Variants in DST observed in about 807,000 individuals in gnomAD.
DST encodes the protein bullous pemphigoid antigen.
DST carries 253 observed loss-of-function variants against 875.2 expected under a neutral mutation model. That is an observed-to-expected ratio of 0.29 (90% confidence interval 0.26 to 0.32). DST has a LOEUF of 0.32. Among genes scored for constraint, DST ranks in the 10% least tolerant of loss-of-function variants. The probability of loss-of-function intolerance (pLI) is 1.00; values close to 1 mark genes in which losing one functional copy is unlikely to be tolerated. For missense variants in DST, 8,287 were observed against 9,111.6 expected (o/e 0.91, Z 3.68); for synonymous variants, 3,124 against 3,197.1 (o/e 0.98, Z 0.77).
chr6:56,664,983 T>C (rs1051600761), intron 10 of DST, among the ~76,000 whole-genome samples: 25 of 152,318 alleles, frequency 1.6e-4, no homozygotes, highest in African/African-American at 5.8e-4. Flanking sequence ...ATAGAAGCTA[T>C]AGAACTATCC....
At chr6:56,724,969 TACACACAC>T (rs113129301) in intron 5 of DST, among the ~76,000 whole-genome samples, 1 of 151,330 alleles carries the variant, frequency 6.6e-6, no homozygotes, top group African/African-American at 2.4e-5. Flanking sequence ...CAGGCTGTTT[TACACACAC>T]ACACACACTG....
intron 5 of DST, among the ~76,000 whole-genome samples, chr6:56,719,878 C>T (rs974099560): frequency 6.6e-6 from 1 of 152,106 alleles, no homozygotes; most frequent in Admixed American, 6.5e-5. Flanking sequence ...CCAAAGATCA[C>T]GTACTTCACA....
At position 56,905,799 on chromosome 6, in the gene DST, C is replaced by T. The variant is rs142373761; in HGVS notation, c.217-5178G>A. 2.5e-3 allele frequency among the ~76,000 whole-genome samples: 386 copies of T among 152,210 alleles called. 3 individuals are homozygous for T. The East Asian group carries it at 0.039, about 15-fold the overall frequency. On this transcript the variant is annotated intron_variant, in intron 2 of 103. Transcript: ENST00000680361. ...AAGTAGATGGGATTACAGGCACAGGCCACCGCACCCAGCTAATTTTTATAT... is the reference window on the plus strand; with the variant it reads ...AAGTAGATGGGATTACAGGCACAGGTCACCGCACCCAGCTAATTTTTATAT...
chr6:56,704,179 G>GA, intron 6 of DST, 101 bp downstream of exon 6: 2 of 551,982 alleles, frequency 3.6e-6, no homozygotes, highest in Non-Finnish European at 6.1e-6. Flanking sequence ...CTCAAAAGAT[G>GA]AATGTTGCAA....
chr6:56,884,074 T>C (rs1273626741), intron 3 of DST, among the ~76,000 whole-genome samples: 1 of 151,932 alleles, frequency 6.6e-6, no homozygotes, highest in Non-Finnish European at 1.5e-5. Flanking sequence ...GACGATGCAG[T>C]GAGCTGTGAT....
intron 47 of DST, among the ~76,000 whole-genome samples, chr6:56,596,197 T>A (rs552673673): frequency 6.6e-6 from 1 of 151,766 alleles, no homozygotes; most frequent in East Asian, 1.9e-4. Context: ...CCCAGCTAAT[T>A]TTTGTATTTT....
At position 56,953,891 on chromosome 6, in the gene DST, A is replaced by T. The variant is rs1592926527; in HGVS notation, c.182-72T>A. ...TCACCTACCGAGTGACTCATGACTTACCTGGGAGACCAGGGTTGGGAAAGC... is the reference window on the plus strand; with the variant it reads ...TCACCTACCGAGTGACTCATGACTTTCCTGGGAGACCAGGGTTGGGAAAGC... On this transcript the variant is annotated intron_variant, in intron 1 of 103. Transcript: ENST00000680361. 4 of 1,144,976 alleles carry T rather than the reference A, an allele frequency of 3.5e-6. No homozygotes were observed. In the African/African-American group the frequency reaches 4.8e-5, roughly 14 times the overall value. The allele number at this position is 1,144,976 out of a possible 1,614,324, so 70.9% of individuals were successfully genotyped here. A position where few individuals can be genotyped will look rare whatever the true frequency, so the allele number is the denominator to read the frequency against.
In DST at chr6:56,633,594, A is replaced by G. The variant is rs545201000; in HGVS notation, c.3621+538T>C. 2.7e-5 allele frequency among the ~76,000 whole-genome samples: 4 copies of G among 149,748 alleles called. No individual in the cohort carries two copies. The East Asian group carries it at 7.9e-4, about 30-fold the overall frequency. ...CAGCTCACTGCAACCTCTGCCCCCC[A>G]GGTCCAAGCAATTCTCCTGCCTCAG... On this transcript the variant is annotated intron_variant, in intron 27 of 103. Transcript: ENST00000680361.
rs1181962472 is a variant in DST, at chr6:56,536,851, T to C, written c.16698A>G (p.Lys5566=). The C allele has an allele frequency of 6.2e-7, 1 of 1,613,328 alleles. No homozygotes were observed. The highest frequency in any genetic ancestry group is 1.1e-5 in the South Asian group (1 of 90,930). ...GCTCCAAGCCCTGAGTGCTAGTGCT[T>C]TTGGCAGCACTCTGAATAAGGCCTT... ...LGQGLIQSAA[K]STSTQGLEHD... is the part of the protein sequence containing the mutation. Residue 5566 remains lysine (K), a synonymous_variant, in exon 62 of 104, where the codon AAA becomes AAG. Transcript: ENST00000680361.
chr6:56,943,755 T>C (rs559549728), intron 2 of DST, among the ~76,000 whole-genome samples: 2 of 151,948 alleles, frequency 1.3e-5, no homozygotes, highest in South Asian at 2.1e-4. Context: ...TTTTCTAAAG[T>C]GTCTGATCTG....
chr6:56,701,832 G>T, intron 8 of DST, 56 bp downstream of exon 8: 2 of 1,084,182 alleles, frequency 1.8e-6, no homozygotes, highest in Non-Finnish European at 1.4e-6. Flanking sequence ...ATGTTTCTAC[G>T]TGGATGTATT....
chr6:56,872,757 TAG>T (rs1777809122), intron 3 of DST, among the ~76,000 whole-genome samples: 1 of 150,434 alleles, frequency 6.6e-6, no homozygotes, highest in African/African-American at 2.4e-5. Flanking sequence ...ATCAGATAGA[TAG>T]AAAGATAGAG....
chr6:56,597,733 A>G lies in DST; in HGVS notation c.12195+7T>C, dbSNP rs2098405510. The G allele has an allele frequency of 6.2e-7, 1 of 1,611,666 alleles. No homozygotes were observed. Among genetic ancestry groups the G allele is most frequent in the Middle Eastern group, 1.7e-4 (1 of 6,054 alleles). ...TTGAACGATATCATATGTTTATAAC[A>G]ACACACCTTAACTTTCTGATATTGC... On this transcript the variant is annotated splice_region_variant and intron_variant, in intron 47 of 103. Transcript: ENST00000680361.
Position 56,572,195 on chromosome 6 carries a change from G to A in DST, c.13626C>T (p.Ser4542=). ...CCTTATCACTTGGTAAGCCATGGCT[G>A]GATATCTCCTTCAAGAGACTATGCA... ...EVLHSLLKEI[S]SHGLPSDKAL... Residue 4542 remains serine, a synonymous_variant, in exon 53 of 104, where the codon TCC becomes TCT. Transcript: ENST00000680361. 1 of 1,569,274 alleles carries A rather than the reference G, an allele frequency of 6.4e-7. No homozygotes were observed.
At chr6:56,492,851 G>C in intron 84 of DST, 83 bp downstream of exon 84, 1 of 1,169,394 alleles carries the variant, frequency 8.6e-7, no homozygotes. Flanking sequence ...CTGGACGACA[G>C]AGGAGTGAGA....
intron 89 of DST, 200 bp from the exon 90 acceptor site, chr6:56,482,378 AT>A (rs1272842652): frequency 3.0e-6 from 2 of 657,550 alleles, no homozygotes; most frequent in Non-Finnish European, 2.3e-6. Context: ...AAAAAAGCCT[AT>A]ATGAAGAAAA....
chr6:56,561,236 CT>C, intron 57 of DST, 71 bp downstream of exon 57: 1 of 1,470,806 alleles, frequency 6.8e-7, no homozygotes, highest in Non-Finnish European at 9.1e-7. Context: ...GAGCTTCTGA[CT>C]ACCAGAGCTC....
At chr6:56,855,536 C>T (rs1282852323) in intron 3 of DST, among the ~76,000 whole-genome samples, 1 of 152,176 alleles carries the variant, frequency 6.6e-6, no homozygotes, top group Non-Finnish European at 1.5e-5. Flanking sequence ...CCTCCTACTG[C>T]CATGCAGTTC....
intron 36 of DST, among the ~76,000 whole-genome samples, chr6:56,624,006 A>T (rs928628128): frequency 5.9e-5 from 9 of 151,964 alleles, no homozygotes; most frequent in Middle Eastern, 3.4e-3. Context: ...ACAACAAAAA[A>T]CTCCAAAATT....
Sources: allele counts gnomAD v4.1 joint callset (sites outside exome capture counted in the v4.1 genomes callset), GRCh38; gene constraint gnomAD v4.1.1; transcripts MANE v1.5; gene names NCBI Gene and HGNC (gene_info 2026-07-23, HGNC 2026-07-21).